NFIX: variants seen among roughly 807,000 people sequenced by gnomAD.
NFIX encodes nuclear factor I X.
A neutral mutation model predicts 53.3 loss-of-function variants in NFIX; 2 were observed. The observed-to-expected ratio is 0.04, with a 90% confidence interval of 0.02 to 0.12. The LOEUF (loss-of-function observed/expected upper bound fraction) is 0.12, where lower values mean the gene tolerates loss of function less well. Among genes scored for constraint, NFIX ranks in the 10% least tolerant of loss-of-function variants. NFIX has a pLI of 1.00. For missense variants in NFIX, 310 were observed against 674.5 expected (o/e 0.46, Z 5.99); for synonymous variants, 244 against 289.0 (o/e 0.84, Z 1.58).
intron 5 of NFIX, among the ~76,000 whole-genome samples, chr19:13,074,382 G>A (rs2016947813): frequency 1.3e-5 from 2 of 152,214 alleles, no homozygotes; most frequent in Admixed American, 1.3e-4. Flanking sequence ...AGGGTAGCCT[G>A]TATCCCAGTT....
In NFIX at chr19:13,090,190, C is replaced by A. The variant is rs545059228; in HGVS notation, c.1403-109C>A. 13 of 1,032,426 alleles carry A rather than the reference C, an allele frequency of 1.3e-5. No homozygotes were observed. In the African/African-American group the frequency reaches 1.9e-4, roughly 15 times the overall value. 64.0% of individuals were successfully genotyped at this position (1,032,426 alleles called of 1,614,324 possible). ...TTCCCACTGCCAGCCTAAACTCGGG[C>A]AGCATGGTCTAACTCAGTCTCTCCC... On this transcript the variant is annotated intron_variant, in intron 9 of 10. Coordinates refer to ENST00000592199, the MANE Select transcript of NFIX (RefSeq NM_001365902.3). The surrounding 1 kb of genome is among the most constrained non-coding windows in gnomAD (Gnocchi z 6.6).
Position 13,088,304 on chromosome 19 carries a change from G to A in NFIX, c.1402+168G>A, listed in dbSNP as rs959862749. Among the ~76,000 whole-genome samples, 11 of 150,534 alleles carry A rather than the reference G, an allele frequency of 7.3e-5. No homozygotes were observed. The highest frequency in any genetic ancestry group is 1.0e-4 in the Non-Finnish European group (7 of 67,582). ...GCCCCCCAACCACAGCCTCCCTCCC[G>A]GGCCTCAGTCGCACCAGCCAGCACC... On this transcript the variant is annotated intron_variant, in intron 9 of 10. Coordinates refer to ENST00000592199, the MANE Select transcript of NFIX (RefSeq NM_001365902.3). The surrounding 1 kb of genome is among the most constrained non-coding windows in gnomAD (Gnocchi z 5.9).
At chr19:13,077,816 G>T (rs979331395) in intron 6 of NFIX, among the ~76,000 whole-genome samples, 1 of 152,140 alleles carries the variant, frequency 6.6e-6, no homozygotes, top group Non-Finnish European at 1.5e-5. Context: ...TGGATGCTAT[G>T]GCCACTGGGC....
Position 13,021,298 on chromosome 19 carries a change from G to C in NFIX, c.28-3723G>C, listed in dbSNP as rs1052934247. 1.3e-5 allele frequency among the ~76,000 whole-genome samples: 2 copies of C among 152,002 alleles called. No individual in the cohort carries two copies. Reference sequence around the variant, plus strand: ...GCCTTCTGTACTCTCACCTCTAACCGTTTCTTTCAGGGATCAGCCATGAGC... The same window carrying C: ...GCCTTCTGTACTCTCACCTCTAACCCTTTCTTTCAGGGATCAGCCATGAGC... On this transcript the variant is annotated intron_variant, in intron 1 of 10. Transcript: ENST00000592199. This position sits in a 1 kb window ranked among gnomAD's most constrained non-coding sequence, Gnocchi z 4.2.
At position 13,014,664 on chromosome 19, in the gene NFIX, G is replaced by T. The variant is rs2012559055; in HGVS notation, c.28-10357G>T. 6.6e-6 allele frequency among the ~76,000 whole-genome samples: 1 copy of T among 152,254 alleles called. No homozygotes were observed. Among genetic ancestry groups the T allele is most frequent in the African/African-American group, 2.4e-5 (1 of 41,468 alleles). Reference sequence around the variant, plus strand: ...TTGGAGAGCCCGTCTTGGCAACCCTGTGCCCTTGATAGAAGAGAGAGCTGC... The same window carrying T: ...TTGGAGAGCCCGTCTTGGCAACCCTTTGCCCTTGATAGAAGAGAGAGCTGC... On this transcript the variant is annotated intron_variant, in intron 1 of 10. Transcript: ENST00000592199. The surrounding 1 kb of genome is among the most constrained non-coding windows in gnomAD (Gnocchi z 4.4).
At chr19:13,003,334 G>A (rs2011828126) in intron 1 of NFIX, among the ~76,000 whole-genome samples, 1 of 152,156 alleles carries the variant, frequency 6.6e-6, no homozygotes, top group Admixed American at 6.5e-5. Context: ...GCATGTGGGT[G>A]CAGACACACG....
At chr19:13,047,756 G>A (rs2015079091) in intron 2 of NFIX, among the ~76,000 whole-genome samples, 1 of 152,156 alleles carries the variant, frequency 6.6e-6, no homozygotes, top group Admixed American at 6.5e-5. Flanking sequence ...GACTTGCCAT[G>A]TCCCCTGCTC....
chr19:13,076,621 T>A (rs1162551076), intron 6 of NFIX, among the ~76,000 whole-genome samples: 1 of 152,206 alleles, frequency 6.6e-6, no homozygotes, highest in Non-Finnish European at 1.5e-5. Context: ...GCATGGCTGC[T>A]CTGGACAGGC....
In NFIX at chr19:13,090,377, C is replaced by T. The variant is rs1368699128; in HGVS notation, c.1481C>T (p.Pro494Leu). 1 of 1,613,896 alleles carries T rather than the reference C, an allele frequency of 6.2e-7. No individual in the cohort carries two copies. The highest frequency in any genetic ancestry group is 2.2e-5 in the East Asian group (1 of 44,880). ...GPRDGNFLNI[P>L]QQSQSWFL is the part of the protein sequence containing the mutation. ...CGGGACGGCAACTTTCTGAACATCC[C>T]ACAGCAGTCTCAGGTAGGAGACCCT... The change falls in exon 10 of 11, where the codon CCA (proline) becomes CTA (leucine). Residue 494 changes from proline to leucine, a missense_variant. Physicochemically the swap from Pro to Leu is moderately conservative, Grantham distance 98. Around this residue, in one of 5 missense-constraint regions of NFIX, gnomAD observed 44 missense variants for 73.4 expected, o/e 0.60. Coordinates refer to ENST00000592199, the MANE Select transcript of NFIX (RefSeq NM_001365902.3). The surrounding 1 kb of genome is among the most constrained non-coding windows in gnomAD (Gnocchi z 6.6).
rs1335190759 is a variant in NFIX, at chr19:13,043,652, C to T, written c.559+18100C>T. Among the ~76,000 whole-genome samples, 1 of 152,006 alleles carries T rather than the reference C, an allele frequency of 6.6e-6. No homozygotes were observed. The highest frequency in any genetic ancestry group is 2.4e-5 in the African/African-American group (1 of 41,418). On this transcript the variant is annotated intron_variant, in intron 2 of 10. Coordinates refer to ENST00000592199, the MANE Select transcript of NFIX (RefSeq NM_001365902.3). The surrounding 1 kb of genome is among the most constrained non-coding windows in gnomAD (Gnocchi z 4.0). ...TTGACATCACTCATAGACACCCCCTCTCTCACCCTTGCATCCCAGACAGTG... is the reference window on the plus strand; with the variant it reads ...TTGACATCACTCATAGACACCCCCTTTCTCACCCTTGCATCCCAGACAGTG...
intron 2 of NFIX, among the ~76,000 whole-genome samples, chr19:13,026,652 CTG>C (rs1024411162): frequency 5.3e-4 from 81 of 152,268 alleles, no homozygotes; most frequent in African/African-American, 1.9e-3. Context: ...GGGCGGCACT[CTG>C]TGATTAAGCA....
Position 13,090,257 on chromosome 19 carries a change from A to C in NFIX, c.1403-42A>C. The C allele has an allele frequency of 6.3e-7, 1 of 1,595,644 alleles. No homozygotes were observed. The highest frequency in any genetic ancestry group is 8.6e-7 in the Non-Finnish European group (1 of 1,163,504). On this transcript the variant is annotated intron_variant, in intron 9 of 10. Coordinates refer to ENST00000592199, the MANE Select transcript of NFIX (RefSeq NM_001365902.3). The surrounding 1 kb of genome is among the most constrained non-coding windows in gnomAD (Gnocchi z 6.6). ...AGGGGCAGTGCCCAGGTGGGCCCCA[A>C]GGCCTGACAGGGTCTCTCCCTCTCT...
At position 13,037,671 on chromosome 19, in the gene NFIX, C is replaced by G. The variant is rs2014302462; in HGVS notation, c.559+12119C>G. On this transcript the variant is annotated intron_variant, in intron 2 of 10. Coordinates refer to ENST00000592199, the MANE Select transcript of NFIX (RefSeq NM_001365902.3). This position sits in a 1 kb window ranked among gnomAD's most constrained non-coding sequence, Gnocchi z 4.2. ...CTGGTTTGCTCAGAGTTTCACAGCCCCTCACCTCGGTAAACCCCTCAGTCT... is the reference window on the plus strand; with the variant it reads ...CTGGTTTGCTCAGAGTTTCACAGCCGCTCACCTCGGTAAACCCCTCAGTCT... Among the ~76,000 whole-genome samples, 1 of 152,108 alleles carries G rather than the reference C, an allele frequency of 6.6e-6. No individual in the cohort carries two copies. Among genetic ancestry groups the G allele is most frequent in the African/African-American group, 2.4e-5 (1 of 41,404 alleles).
rs1223878818 is a variant in NFIX, at chr19:13,024,615, T to C, written c.28-406T>C. 8 of 1,535,894 alleles carry C rather than the reference T, an allele frequency of 5.2e-6. No individual in the cohort carries two copies. The African/African-American group carries it at 1.1e-4, about 21-fold the overall frequency. ...CTGTGCCGGGGCGAGCTGACAGGAG[T>C]TCACGGCTGCGATAGAACATGGAGA... On this transcript the variant is annotated intron_variant, in intron 1 of 10. Coordinates refer to ENST00000592199, the MANE Select transcript of NFIX (RefSeq NM_001365902.3).
chr19:13,039,227 C>A (rs1359556066), intron 2 of NFIX, among the ~76,000 whole-genome samples: 2 of 144,922 alleles, frequency 1.4e-5, no homozygotes, highest in Admixed American at 1.3e-4. Context: ...AACACCCCCC[C>A]CCACACACAC....
chr19:13,020,783 T>G (rs1213194072), intron 1 of NFIX, among the ~76,000 whole-genome samples: 1 of 152,068 alleles, frequency 6.6e-6, no homozygotes, highest in Non-Finnish European at 1.5e-5. Context: ...CCCCAACCCC[T>G]CTCCAGGAGC....
rs1452702572 is a variant in NFIX, at chr19:13,045,329, G to C, written c.559+19777G>C. ...AGCACAGGGGTTCTCAGTGAGGGTG[G>C]TTCTGCCCCTAGGGTATATTTGGTA... is the stretch of plus-strand genomic sequence containing the variant. On this transcript the variant is annotated intron_variant, in intron 2 of 10. Coordinates refer to ENST00000592199, the MANE Select transcript of NFIX (RefSeq NM_001365902.3). This position sits in a 1 kb window ranked among gnomAD's most constrained non-coding sequence, Gnocchi z 4.4. Among the ~76,000 whole-genome samples the C allele has an allele frequency of 1.3e-5, 2 of 152,146 alleles. No individual in the cohort carries two copies. Among genetic ancestry groups the C allele is most frequent in the Non-Finnish European group, 2.9e-5 (2 of 68,014 alleles).
intron 8 of NFIX, among the ~76,000 whole-genome samples, chr19:13,083,994 G>C (rs2017627435): frequency 6.6e-6 from 1 of 152,248 alleles, no homozygotes; most frequent in Non-Finnish European, 1.5e-5. Flanking sequence ...CACACAGATG[G>C]CTGTGCCTCA....
chr19:13,019,727 G>GTTT (rs201956443), intron 1 of NFIX, among the ~76,000 whole-genome samples: 15 of 124,022 alleles, frequency 1.2e-4, no homozygotes, highest in African/African-American at 4.3e-4. Context: ...TTTTTTGTTT[G>GTTT]TTTGTTTTTT....
Sources: allele counts gnomAD v4.1 joint callset (sites outside exome capture counted in the v4.1 genomes callset), GRCh38; gene constraint gnomAD v4.1.1; regional missense constraint gnomAD v4.1.1; non-coding constraint Gnocchi (gnomAD v3.1); transcripts MANE v1.5; gene names NCBI Gene and HGNC (gene_info 2026-07-23, HGNC 2026-07-21).